Variants in CUEDC1 observed in about 807,000 individuals in gnomAD.
CUEDC1 encodes the protein CUE domain containing 1.
CUEDC1 carries 30 observed loss-of-function variants against 43.7 expected under a neutral mutation model. That is an observed-to-expected ratio of 0.69 (90% confidence interval 0.51 to 0.93). CUEDC1 has a LOEUF of 0.93. Ranked by LOEUF, CUEDC1 falls within the 40% of genes least tolerant of loss-of-function variation. The pLI is 0.00. For missense variants in CUEDC1, 486 were observed against 549.0 expected (o/e 0.89, Z 1.15); for synonymous variants, 223 against 223.6 (o/e 1.00, Z 0.02).
chr17:57,930,350 A>G lies in CUEDC1; in HGVS notation c.-316+24875T>C, dbSNP rs1483851277. 6.6e-6 allele frequency among the ~76,000 whole-genome samples: 1 copy of G among 152,224 alleles called. No individual in the cohort carries two copies. The highest frequency in any genetic ancestry group is 2.1e-4 in the South Asian group (1 of 4,832). On this transcript the variant is annotated intron_variant, in intron 1 of 10. Coordinates refer to ENST00000577830, the MANE Select transcript of CUEDC1 (RefSeq NM_001271875.2). This position sits in a 1 kb window ranked among gnomAD's most constrained non-coding sequence, Gnocchi z 4.2. ...CTCCAGCAAAGGCTCACCAGTTAGC[A>G]CTGGCTGTGAGGAGGCCAGAAGGTA... is the stretch of plus-strand genomic sequence containing the variant.
intron 3 of CUEDC1, among the ~76,000 whole-genome samples, chr17:57,878,816 G>A (rs773143833): frequency 5.3e-5 from 8 of 152,082 alleles, no homozygotes; most frequent in Non-Finnish European, 8.8e-5. Flanking sequence ...ACAGGCATGC[G>A]CCACCACCCC....
intron 3 of CUEDC1, among the ~76,000 whole-genome samples, chr17:57,877,106 C>T (rs192182243): frequency 2.0e-5 from 3 of 152,288 alleles, no homozygotes; most frequent in Admixed American, 1.3e-4. Flanking sequence ...TCAGGGCATC[C>T]ACTCCCAGCC....
rs1183089991 is a variant in CUEDC1 at position 57,930,417 on chromosome 17, G to T, written c.-316+24808C>A. On this transcript the variant is annotated intron_variant, in intron 1 of 10. Coordinates refer to ENST00000577830, the MANE Select transcript of CUEDC1 (RefSeq NM_001271875.2). This position sits in a 1 kb window ranked among gnomAD's most constrained non-coding sequence, Gnocchi z 4.2. Reference sequence around the variant, plus strand: ...TTCCCCAACTCCAGGCTGAGTCTGGGATGCCCAGGGGCCCTTTTATCCTGA... The same window carrying T: ...TTCCCCAACTCCAGGCTGAGTCTGGTATGCCCAGGGGCCCTTTTATCCTGA... 2.6e-5 allele frequency among the ~76,000 whole-genome samples: 4 copies of T among 152,232 alleles called. No individual in the cohort carries two copies. In the East Asian group the frequency reaches 7.7e-4, roughly 29 times the overall value.
intron 1 of CUEDC1, among the ~76,000 whole-genome samples, chr17:57,938,273 T>C (rs1317140813): frequency 6.6e-6 from 1 of 152,214 alleles, no homozygotes; most frequent in Non-Finnish European, 1.5e-5. Flanking sequence ...AGGTGATAAA[T>C]ACACGTTTAC....
At chr17:57,927,110 T>C (rs1244454105) in intron 1 of CUEDC1, among the ~76,000 whole-genome samples, 2 of 152,114 alleles carry the variant, frequency 1.3e-5, no homozygotes, top group African/African-American at 2.4e-5. Flanking sequence ...TGGGGGCCAA[T>C]GTTTAGAATC....
Position 57,949,008 on chromosome 17 carries a change from C to T in CUEDC1, c.-316+6217G>A, listed in dbSNP as rs1167766538. Among the ~76,000 whole-genome samples the T allele has an allele frequency of 3.9e-5, 6 of 152,202 alleles. No homozygotes were observed. The East Asian group carries it at 1.2e-3, about 29-fold the overall frequency. ...CTGCCCAGTTCCTGCCTCACCCTGG[C>T]AAGGGTGCTACAGAATCCAGAAAAC... On this transcript the variant is annotated intron_variant, in intron 1 of 10. Transcript: ENST00000577830.
chr17:57,885,434 C>A lies in CUEDC1; in HGVS notation c.131G>T (p.Arg44Leu), dbSNP rs774433170. Reference protein sequence around the residue: ...NNSRPARQVRRLEFNQAMDDF... With the variant: ...NNSRPARQVRLLEFNQAMDDF... ...GTCCATGGCCTGGTTGAACTCCAGGCGGCGCACCTGGCGGGCAGGCCGGCT... is the reference window on the plus strand; with the variant it reads ...GTCCATGGCCTGGTTGAACTCCAGGAGGCGCACCTGGCGGGCAGGCCGGCT... The change falls in exon 2 of 11, where the codon CGC becomes CTC. Residue 44 changes from arginine to leucine, a missense_variant. Physicochemically the swap from Arg to Leu is moderately radical, Grantham distance 102. Transcript: ENST00000577830. The A allele has an allele frequency of 6.2e-7, 1 of 1,601,434 alleles. No individual in the cohort carries two copies. Among genetic ancestry groups the A allele is most frequent in the Non-Finnish European group, 8.5e-7 (1 of 1,175,638 alleles).
chr17:57,933,771 G>A (rs903095712), intron 1 of CUEDC1, among the ~76,000 whole-genome samples: 6 of 152,106 alleles, frequency 3.9e-5, no homozygotes, highest in African/African-American at 7.2e-5. Flanking sequence ...TCCCCAGGCC[G>A]ACAGTGACTC....
chr17:57,872,466 G>A, intron 5 of CUEDC1, among the ~76,000 whole-genome samples, 197 bp downstream of exon 5: 1 of 152,224 alleles, frequency 6.6e-6, no homozygotes, highest in Non-Finnish European at 1.5e-5. Context: ...GGAGAAAGGG[G>A]TGGGCTAGTG....
intron 1 of CUEDC1, among the ~76,000 whole-genome samples, chr17:57,949,408 C>A (rs2074985036): frequency 6.6e-6 from 1 of 152,078 alleles, no homozygotes; most frequent in Non-Finnish European, 1.5e-5. Flanking sequence ...TGGTTCTCAG[C>A]AGACTCTGTT....
At position 57,919,249 on chromosome 17, in the gene CUEDC1, G is replaced by A. The variant is rs139075581; in HGVS notation, c.-315-33370C>T. On this transcript the variant is annotated intron_variant, in intron 1 of 10. Coordinates refer to ENST00000577830, the MANE Select transcript of CUEDC1 (RefSeq NM_001271875.2). ...GGCTGGAGTACAATGGCGCGATCTC[G>A]GCTCACTGCAACCTCCGCCTCCCGG... Among the ~76,000 whole-genome samples the A allele has an allele frequency of 4.3e-3, 653 of 151,812 alleles. 6 individuals carry two copies. Among genetic ancestry groups the A allele is most frequent in the African/African-American group, 0.015 (603 of 41,364 alleles).
At chr17:57,908,145 C>G (rs2074547658) in intron 1 of CUEDC1, among the ~76,000 whole-genome samples, 1 of 152,094 alleles carries the variant, frequency 6.6e-6, no homozygotes, top group African/African-American at 2.4e-5. Flanking sequence ...CAATCTCCAC[C>G]TCCCAGGTTC....
intron 2 of CUEDC1, among the ~76,000 whole-genome samples, chr17:57,884,052 C>T (rs2074252066): frequency 6.6e-6 from 1 of 152,170 alleles, no homozygotes; most frequent in South Asian, 2.1e-4. Flanking sequence ...TCTCCAGCCA[C>T]TTCCCTGGAG....
chr17:57,872,113 C>T (rs970498900), intron 5 of CUEDC1, among the ~76,000 whole-genome samples: 4 of 152,334 alleles, frequency 2.6e-5, no homozygotes, highest in Middle Eastern at 3.4e-3. Flanking sequence ...ACAGCCCTCT[C>T]GTCTCCTCTA....
At chr17:57,928,409 C>T (rs902912668) in intron 1 of CUEDC1, among the ~76,000 whole-genome samples, 2 of 151,828 alleles carry the variant, frequency 1.3e-5, no homozygotes, top group African/African-American at 2.4e-5. Context: ...ATTAGCCAGG[C>T]GTGGTGGCGG....
intron 10 of CUEDC1, among the ~76,000 whole-genome samples, chr17:57,864,462 G>A (rs1371109177): frequency 6.6e-6 from 1 of 152,170 alleles, no homozygotes; most frequent in African/African-American, 2.4e-5. Flanking sequence ...CAGGAGCCAG[G>A]AGAGAGGAAG....
intron 1 of CUEDC1, among the ~76,000 whole-genome samples, chr17:57,942,991 G>A (rs1438200485): frequency 6.6e-6 from 1 of 152,058 alleles, no homozygotes; most frequent in African/African-American, 2.4e-5. Flanking sequence ...TCGCGCCACT[G>A]CACTCCAGCC....
intron 1 of CUEDC1, among the ~76,000 whole-genome samples, chr17:57,891,165 T>C (rs2074351163): frequency 6.6e-6 from 1 of 152,146 alleles, no homozygotes; most frequent in Admixed American, 6.5e-5. Flanking sequence ...AACTCCACAC[T>C]CATACAGCCT....
At chr17:57,865,749 C>T (rs919528679) in intron 10 of CUEDC1, among the ~76,000 whole-genome samples, 5 of 152,152 alleles carry the variant, frequency 3.3e-5, no homozygotes, top group Admixed American at 1.3e-4. Flanking sequence ...CCCAGCCCAC[C>T]CAACCCAAGC....
Sources: gnomAD v4.1 joint callset for allele counts (sites outside exome capture counted in the v4.1 genomes callset) on GRCh38, gnomAD v4.1.1 for gene constraint, Gnocchi (gnomAD v3.1) non-coding constraint, MANE v1.5 for transcripts, NCBI Gene and HGNC (gene_info 2026-07-23, HGNC 2026-07-21) for gene names.